NFXL1: variants seen among roughly 807,000 people sequenced by gnomAD.
NFXL1 encodes NF-X1-type zinc finger protein NFXL1.
NFXL1 carries 66 observed loss-of-function variants against 123.3 expected under a neutral mutation model. The ratio of observed to expected loss-of-function variants is 0.54; its 90% confidence interval spans 0.44 to 0.66. The LOEUF (loss-of-function observed/expected upper bound fraction) is 0.66. Among genes scored for constraint, NFXL1 ranks in the 30% least tolerant of loss-of-function variants. The probability of loss-of-function intolerance (pLI) is 0.00; values close to 1 mark genes in which losing one functional copy is unlikely to be tolerated. For synonymous variants in NFXL1, 346 were observed against 360.8 expected (o/e 0.96, Z 0.46); for missense variants, 944 against 1,125.6 (o/e 0.84, Z 2.31).
chr4:47,888,221 C>A (rs924837676), intron 12 of NFXL1, among the ~76,000 whole-genome samples: 1 of 152,148 alleles, frequency 6.6e-6, no homozygotes, highest in African/African-American at 2.4e-5. Context: ...TTGCAGTGAG[C>A]CGGGATTGCG....
Position 47,854,834 on chromosome 4 carries a change from A to G in NFXL1, c.2421+225T>C, listed in dbSNP as rs190685810. 2.4e-3 allele frequency among the ~76,000 whole-genome samples: 359 copies of G among 152,078 alleles called. 2 individuals are homozygous for G. Among genetic ancestry groups the G allele is most frequent in the Admixed American group, 4.1e-3 (62 of 15,236 alleles). ...TTTTCCTTTTACTGTTAAATTGCAG[A>G]AAATTAAATCGCCAAAGCTTATGTT... is the stretch of plus-strand genomic sequence containing the variant. On this transcript the variant is annotated intron_variant, in intron 20 of 22. Coordinates refer to ENST00000507489, the MANE Select transcript of NFXL1 (RefSeq NM_001278624.2).
At chr4:47,891,096 TTTTC>T (rs1736738520) in intron 11 of NFXL1, among the ~76,000 whole-genome samples, 1 of 149,430 alleles carries the variant, frequency 6.7e-6, no homozygotes, top group African/African-American at 2.4e-5. Context: ...CAGTTATTTA[TTTTC>T]TTTTTCTTTT....
intron 20 of NFXL1, 91 bp downstream of exon 20, chr4:47,854,968 A>G (rs1026987130): frequency 1.1e-5 from 5 of 453,962 alleles, no homozygotes; most frequent in Non-Finnish European, 1.9e-5. Flanking sequence ...CCAAACAACT[A>G]CCAAAACACA....
intron 18 of NFXL1, among the ~76,000 whole-genome samples, chr4:47,871,758 TTAATA>T (rs1251101806): frequency 6.6e-6 from 1 of 152,144 alleles, no homozygotes; most frequent in African/African-American, 2.4e-5. Context: ...CAAAATAACT[TTAATA>T]TAAGAAAAGA....
chr4:47,876,968 T>TAA, intron 17 of NFXL1: 1 of 547,824 alleles, frequency 1.8e-6, no homozygotes, highest in Non-Finnish European at 2.8e-6. Context: ...TGAGCAAATA[T>TAA]TAGGCAGTGA....
In NFXL1 at chr4:47,884,414, T is replaced by C. The variant is rs1260514068; in HGVS notation, c.1848A>G (p.Glu616=). 14 of 1,611,102 alleles carry C rather than the reference T, an allele frequency of 8.7e-6. No individual in the cohort carries two copies. Among genetic ancestry groups the C allele is most frequent in the South Asian group, 5.5e-5 (5 of 90,946 alleles). Residue 616 remains glutamate (E), a synonymous_variant, in exon 15 of 23, where the codon GAA becomes GAG. Transcript: ENST00000507489. ...GAATAAATGCTGGCTCAGAAGGCTG[T>C]TCCCAAGGGCCTGTAGGCTGGTGCT... The part of the protein sequence containing the change: ...TGRHQPTGPW[E]QPSEPAFIQT...
chr4:47,874,976 T>C, intron 18 of NFXL1, 151 bp downstream of exon 18: 1 of 450,242 alleles, frequency 2.2e-6, no homozygotes, highest in East Asian at 3.4e-5. Context: ...CCAGAAAGTG[T>C]AGTATTCTAC....
At chr4:47,903,129 C>T (rs1301483969) in intron 5 of NFXL1, 64 bp downstream of exon 5, 10 of 1,212,292 alleles carry the variant, frequency 8.2e-6, no homozygotes, top group South Asian at 3.2e-5. Context: ...CTCCAGCCTG[C>T]GTGACAAGAG....
At chr4:47,891,280 T>C (rs541976438) in intron 11 of NFXL1, among the ~76,000 whole-genome samples, 2 of 151,910 alleles carry the variant, frequency 1.3e-5, no homozygotes, top group South Asian at 4.2e-4. Context: ...CCTCAGTAGT[T>C]TGTGTATTTT....
chr4:47,850,946 T>C (rs531722719), intron 22 of NFXL1, 149 bp downstream of exon 22: 78 of 594,930 alleles, frequency 1.3e-4, no homozygotes, highest in Admixed American at 2.1e-4. Flanking sequence ...GTCAAGTTAG[T>C]AGATGGCTCA....
At chr4:47,888,609 C>T (rs1736591021) in intron 12 of NFXL1, among the ~76,000 whole-genome samples, 1 of 151,880 alleles carries the variant, frequency 6.6e-6, no homozygotes, top group Non-Finnish European at 1.5e-5. Context: ...CTGATCAAAC[C>T]TCTAGATCCA....
At chr4:47,895,302 A>G (rs1359603188) in intron 10 of NFXL1, among the ~76,000 whole-genome samples, 1 of 152,190 alleles carries the variant, frequency 6.6e-6, no homozygotes, top group East Asian at 1.9e-4. Flanking sequence ...CATCAGCTAC[A>G]TTAGCCCTTA....
At chr4:47,887,322 T>TA (rs376559428) in intron 12 of NFXL1, among the ~76,000 whole-genome samples, 287 of 151,938 alleles carry the variant, frequency 1.9e-3, no homozygotes, top group Non-Finnish European at 3.0e-3. Context: ...GTTAACCTGA[T>TA]AAAAAAAAGA....
intron 12 of NFXL1, among the ~76,000 whole-genome samples, chr4:47,889,841 T>C (rs1209012734): frequency 6.6e-6 from 1 of 152,180 alleles, no homozygotes; most frequent in East Asian, 1.9e-4. Context: ...AGGTCTCACA[T>C]GCATAGTTTT....
Position 47,914,180 on chromosome 4 carries a change from C to CTCG in NFXL1, c.23_24insCGA (p.Val8_Ala9insGlu). 6.6e-7 allele frequency: 1 copy of CTCG among 1,520,682 alleles called. No homozygotes were observed. The highest frequency in any genetic ancestry group is 8.8e-7 in the Non-Finnish European group (1 of 1,131,872). 94.2% of individuals were successfully genotyped at this position (1,520,682 alleles called of 1,614,324 possible). On this transcript the variant is annotated inframe_insertion, in exon 2 of 23. Coordinates refer to ENST00000507489, the MANE Select transcript of NFXL1 (RefSeq NM_001278624.2). ...CCCGGGATCGGCCTCGGCCACCGGC[C>CTCG]ACCTGGCGCCAGGAAGCTTCCATCC...
intron 13 of NFXL1, 99 bp from the exon 14 acceptor site, chr4:47,885,756 G>C: frequency 7.5e-7 from 1 of 1,333,244 alleles, no homozygotes; most frequent in Non-Finnish European, 1.1e-6. Context: ...ATTCCATATA[G>C]AATGAGTATA....
At chr4:47,906,303 A>G (rs1737560990) in intron 3 of NFXL1, among the ~76,000 whole-genome samples, 1 of 152,220 alleles carries the variant, frequency 6.6e-6, no homozygotes, top group Non-Finnish European at 1.5e-5. Flanking sequence ...AAGTAGATTA[A>G]AACGTAAACT....
rs780913651 is a variant in NFXL1 at position 47,879,125 on chromosome 4, GA to G, written c.1917-9del. ...TGTTTCCCAAGACATTCCCTACAAG[GA>G]AAAAATAAAATAAAATGAAAACATT... On this transcript the variant is annotated splice_polypyrimidine_tract_variant and intron_variant, in intron 15 of 22. Transcript: ENST00000507489. 5.5e-6 allele frequency: 7 copies of G among 1,280,806 alleles called. No individual in the cohort carries two copies. The highest frequency in any genetic ancestry group is 5.6e-5 in the Admixed American group (2 of 35,680). 79.3% of individuals were successfully genotyped at this position (1,280,806 alleles called of 1,614,324 possible). A position where few individuals can be genotyped will look rare whatever the true frequency, so the allele number is the denominator to read the frequency against.
chr4:47,903,597 TA>T (rs1200339836), intron 4 of NFXL1, among the ~76,000 whole-genome samples: 2 of 152,180 alleles, frequency 1.3e-5, no homozygotes, highest in Admixed American at 6.5e-5. Context: ...TATATATATA[TA>T]TTTTTTTCAT....
Sources: allele counts gnomAD v4.1 joint callset (sites outside exome capture counted in the v4.1 genomes callset), GRCh38; gene constraint gnomAD v4.1.1; transcripts MANE v1.5; gene names NCBI Gene and HGNC (gene_info 2026-07-23, HGNC 2026-07-21).